CPAMD8: variants seen among roughly 807,000 people sequenced by gnomAD.
CPAMD8 encodes the protein C3 and PZP-like alpha-2-macroglobulin domain-containing protein 8.
Under a neutral mutation model 224.7 loss-of-function variants are expected in CPAMD8, and 146 were observed. The observed-to-expected ratio is 0.65, with a 90% confidence interval of 0.57 to 0.75. The LOEUF is 0.75. CPAMD8 is among the 30% of genes least tolerant of loss of function. The pLI is 0.00. For missense variants in CPAMD8, 2,301 were observed against 2,537.5 expected (o/e 0.91, Z 2.00); for synonymous variants, 966 against 1,044.6 (o/e 0.92, Z 1.45).
intron 22 of CPAMD8, among the ~76,000 whole-genome samples, chr19:16,943,045 T>C (rs1278988628): frequency 6.8e-6 from 1 of 146,228 alleles, no homozygotes; most frequent in Non-Finnish European, 1.5e-5. Context: ...TCTGGCTCTC[T>C]CACCCAGGCT....
intron 25 of CPAMD8, among the ~76,000 whole-genome samples, 196 bp from the exon 26 acceptor site, chr19:16,925,568 T>C (rs1568482987): frequency 6.6e-6 from 1 of 152,288 alleles, no homozygotes; most frequent in Non-Finnish European, 1.5e-5. Context: ...CCTCCTTCTG[T>C]GTTCTTTAGT....
intron 16 of CPAMD8, 108 bp downstream of exon 16, chr19:16,975,894 G>T: frequency 8.3e-7 from 1 of 1,205,056 alleles, no homozygotes; most frequent in Non-Finnish European, 1.1e-6. Context: ...AGCGAATCTG[G>T]ATTCAAATGC....
At chr19:16,982,998 C>T (rs965496858) in intron 13 of CPAMD8, among the ~76,000 whole-genome samples, 15 of 152,160 alleles carry the variant, frequency 9.9e-5, no homozygotes, top group Non-Finnish European at 1.9e-4. Flanking sequence ...AGGGGTTTTC[C>T]TTTTCACTTG....
chr19:16,906,350 CTTT>C, intron 30 of CPAMD8, among the ~76,000 whole-genome samples: 5 of 27,432 alleles, frequency 1.8e-4, no homozygotes, highest in African/African-American at 5.5e-4. Context: ...TTCTTTCTTT[CTTT>C]CTTTCTTTCT....
intron 26 of CPAMD8, among the ~76,000 whole-genome samples, chr19:16,923,608 A>G (rs1466967080): frequency 6.6e-6 from 1 of 152,250 alleles, no homozygotes; most frequent in Non-Finnish European, 1.5e-5. Flanking sequence ...TAGGATCTCC[A>G]GATGAGAGCA....
At chr19:17,004,525 G>A (rs1054601964) in intron 7 of CPAMD8, 139 bp from the exon 8 acceptor site, 14 of 612,810 alleles carry the variant, frequency 2.3e-5, no homozygotes, top group African/African-American at 9.3e-5. Context: ...AGAAGCTGGC[G>A]GGGTCTGTGC....
At chr19:16,901,136 C>T (rs2052238905) in intron 36 of CPAMD8, 74 bp downstream of exon 36, 1 of 1,003,622 alleles carries the variant, frequency 1.0e-6, no homozygotes, top group East Asian at 2.6e-5. Flanking sequence ...GCCAGCCAGC[C>T]TGACCCTGGG....
chr19:16,899,281 C>G lies in CPAMD8; in HGVS notation c.4848+194G>C, dbSNP rs1351414370. On this transcript the variant is annotated intron_variant, in intron 37 of 41. Transcript: ENST00000443236. This position sits in a 1 kb window ranked among gnomAD's most constrained non-coding sequence, Gnocchi z 5.4. Reference sequence around the variant, plus strand: ...CATGTTGCCCAGGCTGGTCTCGAACCCCTGAGCTCAAGTGATCCTCCCACC... The same window carrying G: ...CATGTTGCCCAGGCTGGTCTCGAACGCCTGAGCTCAAGTGATCCTCCCACC... Among the ~76,000 whole-genome samples, 1 of 152,050 alleles carries G rather than the reference C, an allele frequency of 6.6e-6. No homozygotes were observed. Among genetic ancestry groups the G allele is most frequent in the Non-Finnish European group, 1.5e-5 (1 of 68,006 alleles).
At chr19:16,973,796 G>T (rs940626127) in intron 17 of CPAMD8, among the ~76,000 whole-genome samples, 22 of 149,836 alleles carry the variant, frequency 1.5e-4, no homozygotes, top group African/African-American at 5.4e-4. Flanking sequence ...TCATGAAAAC[G>T]TCCAGAGATG....
At chr19:16,978,930 C>A (rs975894175) in intron 14 of CPAMD8, among the ~76,000 whole-genome samples, 1 of 151,590 alleles carries the variant, frequency 6.6e-6, no homozygotes, top group Admixed American at 6.6e-5. Flanking sequence ...CATCCACCCA[C>A]CCACCATCCA....
chr19:16,967,925 A>ATG (rs1555779348), intron 18 of CPAMD8, among the ~76,000 whole-genome samples: 47 of 97,764 alleles, frequency 4.8e-4, no homozygotes, highest in East Asian at 2.3e-3. Flanking sequence ...ATACACACAC[A>ATG]TGTGTGTATA....
intron 12 of CPAMD8, 76 bp downstream of exon 12, chr19:16,993,340 G>T: frequency 1.6e-6 from 2 of 1,283,058 alleles, no homozygotes; most frequent in Non-Finnish European, 2.2e-6. Context: ...CTGATCAGGT[G>T]CCTGCACCCA....
rs746246143 is a variant in CPAMD8, at chr19:16,989,713, A to G, written c.1325T>C (p.Leu442Pro). 2.5e-6 allele frequency: 4 copies of G among 1,613,502 alleles called. No homozygotes were observed. Among genetic ancestry groups the G allele is most frequent in the Non-Finnish European group, 3.4e-6 (4 of 1,179,612 alleles). ...PVGAQYLPSY[L>P]SLGSWYSPSQ... is the part of the protein sequence containing the mutation. Reference sequence around the variant, plus strand: ...GGGGGAGTACCAGCTGCCGAGGGAGAGGTAGCTGGGCAGGTACTGAGCCCC... The same window carrying G: ...GGGGGAGTACCAGCTGCCGAGGGAGGGGTAGCTGGGCAGGTACTGAGCCCC... The change falls in exon 13 of 42, where the codon CTC becomes CCC. Residue 442 changes from leucine (L) to proline (P), a missense_variant. Transcript: ENST00000443236.
intron 17 of CPAMD8, among the ~76,000 whole-genome samples, chr19:16,973,012 G>A (rs997540228): frequency 8.6e-5 from 13 of 151,696 alleles, no homozygotes; most frequent in Admixed American, 1.3e-4. Flanking sequence ...CTATAAATAC[G>A]AAAAAAATTA....
intron 13 of CPAMD8, among the ~76,000 whole-genome samples, chr19:16,984,565 T>G (rs1167091550): frequency 6.6e-6 from 1 of 152,124 alleles, no homozygotes; most frequent in Non-Finnish European, 1.5e-5. Context: ...AAATTAAAAT[T>G]TTTTGTTGCA....
At chr19:16,997,758 A>T (rs1445153317) in intron 10 of CPAMD8, among the ~76,000 whole-genome samples, 1 of 152,094 alleles carries the variant, frequency 6.6e-6, no homozygotes, top group Non-Finnish European at 1.5e-5. Context: ...AGGCTGAGGC[A>T]TGAGAATCGC....
intron 18 of CPAMD8, among the ~76,000 whole-genome samples, chr19:16,959,618 G>C (rs939203142): frequency 2.0e-5 from 3 of 150,762 alleles, no homozygotes. Flanking sequence ...TCGGTTCACT[G>C]CAGCCTCCGC....
intron 21 of CPAMD8, among the ~76,000 whole-genome samples, chr19:16,946,217 C>G (rs999973345): frequency 2.8e-5 from 4 of 142,018 alleles, no homozygotes; most frequent in Admixed American, 2.1e-4. Context: ...AGGCATGTGT[C>G]TGTGTGTGTG....
At chr19:16,925,174 C>T (rs376969377) in intron 26 of CPAMD8, 22 bp downstream of exon 26, 1 of 1,612,606 alleles carries the variant, frequency 6.2e-7, no homozygotes, top group African/African-American at 1.3e-5. Flanking sequence ...CCACCTCAAC[C>T]CAGGCACTTC....
Sources: gnomAD v4.1 joint callset for allele counts (sites outside exome capture counted in the v4.1 genomes callset) on GRCh38, gnomAD v4.1.1 for gene constraint, Gnocchi (gnomAD v3.1) non-coding constraint, MANE v1.5 for transcripts, NCBI Gene and HGNC (gene_info 2026-07-23, HGNC 2026-07-21) for gene names.